The following ELMO1 variants were observed in gnomAD, a reference collection of about 807,000 sequenced individuals.
The protein encoded by ELMO1 is engulfment and cell motility protein 1.
A neutral mutation model predicts 98.9 loss-of-function variants in ELMO1; 26 were observed. The ratio of observed to expected loss-of-function variants is 0.26; its 90% confidence interval spans 0.19 to 0.36. The LOEUF (loss-of-function observed/expected upper bound fraction) is 0.36. Among genes scored for constraint, ELMO1 ranks in the 10% least tolerant of loss-of-function variants. The pLI is 1.00. For synonymous variants in ELMO1, 346 were observed against 346.0 expected, an observed-to-expected ratio of 1.00 and a Z score of 0.00; for missense variants, 627 against 935.2, an observed-to-expected ratio of 0.67 and a Z score of 4.30.
chr7:37,143,654 G>A (rs1787788131), intron 13 of ELMO1, among the ~76,000 whole-genome samples: 1 of 150,390 alleles, frequency 6.6e-6, no homozygotes, highest in Non-Finnish European at 1.5e-5. Context: ...TGATTTGCCA[G>A]CCTTGGCCTC....
chr7:37,338,632 T>C (rs2723990), intron 2 of ELMO1, among the ~76,000 whole-genome samples: 70,457 of 152,046 alleles, frequency 0.46, 17,131 homozygotes, highest in Non-Finnish European at 0.56. Context: ...TATTGAAGTG[T>C]TTGGGATTCC....
chr7:36,917,658 ACT>A (rs1784807150), intron 16 of ELMO1, among the ~76,000 whole-genome samples: 1 of 152,134 alleles, frequency 6.6e-6, no homozygotes. Flanking sequence ...GGAGATGGGA[ACT>A]CTGATTTGTT....
At chr7:36,906,971 G>A (rs946051737) in intron 16 of ELMO1, among the ~76,000 whole-genome samples, 1 of 152,156 alleles carries the variant, frequency 6.6e-6, no homozygotes, top group Admixed American at 6.5e-5. Context: ...AGAGTGCAGT[G>A]AAATTATTTA....
At chr7:37,212,919 G>A (rs1240273363) in intron 12 of ELMO1, among the ~76,000 whole-genome samples, 1 of 152,072 alleles carries the variant, frequency 6.6e-6, no homozygotes, top group Non-Finnish European at 1.5e-5. Flanking sequence ...CTGGGACCCT[G>A]CTCTTGGCAC....
At chr7:37,314,308 T>C (rs192768495) in intron 4 of ELMO1, among the ~76,000 whole-genome samples, 1 of 152,320 alleles carries the variant, frequency 6.6e-6, no homozygotes, top group African/African-American at 2.4e-5. Context: ...CTTGTACATA[T>C]TAATTTTACT....
chr7:37,447,714 CCACACACACACACACACACACA>C (rs3054415), intron 1 of ELMO1, among the ~76,000 whole-genome samples: 1 of 132,140 alleles, frequency 7.6e-6, no homozygotes, highest in African/African-American at 3.1e-5. Context: ...CGCGCACACA[CCACACACACACACACACACACA>C]CACACACACA....
chr7:37,327,836 A>G lies in ELMO1; in HGVS notation c.79-11876T>C, dbSNP rs1045505588. ...ACCTACAGCCCTGAAGAATAGTAAC[A>G]CAGGATTTTCAGGAAGGGTCTAAAC... On this transcript the variant is annotated intron_variant, in intron 2 of 21. Coordinates refer to ENST00000310758, the MANE Select transcript of ELMO1 (RefSeq NM_014800.11). Among the ~76,000 whole-genome samples, 3 of 152,240 alleles carry G rather than the reference A, an allele frequency of 2.0e-5. 1 individual carries two copies. Among genetic ancestry groups the G allele is most frequent in the East Asian group, 1.9e-4 (1 of 5,156 alleles).
intron 14 of ELMO1, among the ~76,000 whole-genome samples, chr7:37,123,435 TA>T (rs1288452803): frequency 3.3e-5 from 5 of 151,858 alleles, no homozygotes; most frequent in African/African-American, 1.2e-4. Flanking sequence ...ATAGACGCAA[TA>T]AAAAATGATA....
intron 4 of ELMO1, among the ~76,000 whole-genome samples, chr7:37,303,063 C>T (rs1798426952): frequency 7.0e-6 from 1 of 142,098 alleles, no homozygotes. Flanking sequence ...TTCATGCCTG[C>T]CCCCTATGCC....
chr7:37,288,288 G>A (rs1406446942), intron 4 of ELMO1, among the ~76,000 whole-genome samples: 3 of 151,460 alleles, frequency 2.0e-5, no homozygotes, highest in African/African-American at 4.9e-5. Flanking sequence ...GCAATGGCAC[G>A]ATCTCGGCTC....
At chr7:37,158,532 A>G (rs1485742685) in intron 13 of ELMO1, among the ~76,000 whole-genome samples, 2 of 152,262 alleles carry the variant, frequency 1.3e-5, no homozygotes, top group Non-Finnish European at 2.9e-5. Flanking sequence ...ACATTTATGC[A>G]GCCAACAGCC....
intron 16 of ELMO1, among the ~76,000 whole-genome samples, chr7:36,949,145 C>T (rs1004202905): frequency 6.6e-6 from 1 of 152,022 alleles, no homozygotes; most frequent in Non-Finnish European, 1.5e-5. Flanking sequence ...CGTGAGCCAC[C>T]ATGCCTGGCC....
chr7:37,383,524 T>TA (rs1414390846), intron 1 of ELMO1, among the ~76,000 whole-genome samples: 1 of 152,242 alleles, frequency 6.6e-6, no homozygotes, highest in Non-Finnish European at 1.5e-5. Context: ...TCATTTATGT[T>TA]ACACGGCATT....
At chr7:37,238,827 T>C (rs565014205) in intron 7 of ELMO1, among the ~76,000 whole-genome samples, 8 of 152,342 alleles carry the variant, frequency 5.3e-5, no homozygotes, top group Admixed American at 4.6e-4. Context: ...CTTTATTTCA[T>C]AAAACACTGA....
chr7:37,300,596 G>C (rs1203493299), intron 4 of ELMO1, among the ~76,000 whole-genome samples: 1 of 101,620 alleles, frequency 9.8e-6, no homozygotes, highest in Non-Finnish European at 2.1e-5. Flanking sequence ...TATTGAACCA[G>C]CCTTGCATCC....
At chr7:37,162,451 G>A (rs1789290431) in intron 13 of ELMO1, among the ~76,000 whole-genome samples, 1 of 152,196 alleles carries the variant, frequency 6.6e-6, no homozygotes. Context: ...ACTTGATGAA[G>A]TCTAAGTCAT....
At chr7:37,430,789 G>C (rs1478704616) in intron 1 of ELMO1, among the ~76,000 whole-genome samples, 2 of 152,142 alleles carry the variant, frequency 1.3e-5, no homozygotes, top group African/African-American at 4.8e-5. Context: ...ACCACACACT[G>C]GCATCATTTC....
intron 17 of ELMO1, among the ~76,000 whole-genome samples, chr7:36,891,688 T>C (rs1805564673): frequency 6.6e-6 from 1 of 152,356 alleles, no homozygotes; most frequent in Middle Eastern, 3.4e-3. Context: ...CAAATCCTTA[T>C]GACAATCCAA....
At chr7:37,011,011 C>T (rs1275469036) in intron 16 of ELMO1, among the ~76,000 whole-genome samples, 1 of 152,186 alleles carries the variant, frequency 6.6e-6, no homozygotes, top group Non-Finnish European at 1.5e-5. Context: ...GGCCCTCAGG[C>T]CTGGAGCTGC....
Sources: allele counts gnomAD v4.1 joint callset (sites outside exome capture counted in the v4.1 genomes callset), GRCh38; gene constraint gnomAD v4.1.1; transcripts MANE v1.5; gene names NCBI Gene and HGNC (gene_info 2026-07-23, HGNC 2026-07-21).